Variants in KREMEN1 observed in about 807,000 individuals in gnomAD.
The protein encoded by KREMEN1 is kringle containing transmembrane protein 1.
A neutral mutation model predicts 46.5 loss-of-function variants in KREMEN1; 30 were observed. That is an observed-to-expected ratio of 0.65 (90% CI 0.48 to 0.88). The LOEUF (loss-of-function observed/expected upper bound fraction) is 0.88. KREMEN1 is among the 40% of genes least tolerant of loss of function. The pLI is 0.00. For synonymous variants in KREMEN1, 214 were observed against 230.6 expected, an observed-to-expected ratio of 0.93 and a Z score of 0.65; for missense variants, 533 against 596.9, an observed-to-expected ratio of 0.89 and a Z score of 1.11.
chr22:29,139,896 T>G (rs1414148246), intron 7 of KREMEN1, among the ~76,000 whole-genome samples: 1 of 152,158 alleles, frequency 6.6e-6, no homozygotes, highest in African/African-American at 2.4e-5. Flanking sequence ...ATAGGTAGCA[T>G]CTCATAGGTC....
At chr22:29,080,103 G>A (rs556484250) in intron 1 of KREMEN1, among the ~76,000 whole-genome samples, 1 of 152,312 alleles carries the variant, frequency 6.6e-6, no homozygotes, top group South Asian at 2.1e-4. Context: ...GAAATAAACA[G>A]GATGGGGACT....
chr22:29,159,133 T>G (rs565531434), intron 9 of KREMEN1, among the ~76,000 whole-genome samples: 7,774 of 149,440 alleles, frequency 0.052, 289 homozygotes, highest in Non-Finnish European at 0.08. Flanking sequence ...TGTTTTTTTT[T>G]TTTTTTTTTT....
chr22:29,089,318 AG>A (rs986921586), intron 1 of KREMEN1, among the ~76,000 whole-genome samples: 2 of 40,740 alleles, frequency 4.9e-5, no homozygotes, highest in African/African-American at 1.0e-4. Context: ...ATCACTACTC[AG>A]CTGGTTGCTC....
At chr22:29,166,751 C>A (rs181878652) in intron 9 of KREMEN1, among the ~76,000 whole-genome samples, 15 of 152,040 alleles carry the variant, frequency 9.9e-5, no homozygotes, top group African/African-American at 3.6e-4. Flanking sequence ...CCAGCCTGGG[C>A]AATATAGTGA....
In KREMEN1 at chr22:29,146,643, T is replaced by C; in HGVS notation, c.*4531T>C. ...TTAATATGCAACTTTGAGAATAAAA[T>C]AGAAACATCATGTATTTTAAAATAT... is the stretch of plus-strand genomic sequence containing the variant. On this transcript the variant is annotated 3_prime_UTR_variant, in exon 9 of 9. Transcript: ENST00000400335. 1.0e-6 allele frequency: 1 copy of C among 966,544 alleles called. No homozygotes were observed. The highest frequency in any genetic ancestry group is 4.8e-5 in the South Asian group (1 of 20,864). The allele number at this position is 966,544 out of a possible 1,614,324, so 59.9% of individuals were successfully genotyped here. A position where few individuals can be genotyped will look rare whatever the true frequency, so the allele number is the denominator to read the frequency against.
downstream of KREMEN1, among the ~76,000 whole-genome samples, chr22:29,148,787 A>G (rs2038893017): frequency 6.6e-6 from 1 of 152,128 alleles, no homozygotes; most frequent in African/African-American, 2.4e-5. Context: ...GCACACACAG[A>G]CTGCTCGTGC....
Position 29,138,482 on chromosome 22 carries a change from C to T in KREMEN1, c.965-142C>T, listed in dbSNP as rs190754737. The stretch of plus-strand genomic sequence containing the variant: ...CAGCCTGACAGGTTCTGTTTTGGGG[C>T]TGGTGGGACCCACCTATGGAAGGAA... On this transcript the variant is annotated intron_variant, in intron 6 of 8. Coordinates refer to ENST00000400335, the MANE Select transcript of KREMEN1 (RefSeq NM_001039570.3). The T allele has an allele frequency of 7.8e-4, 609 of 777,330 alleles. 6 individuals carry two copies. The East Asian group carries it at 0.012, about 15-fold the overall frequency. The allele number at this position is 777,330 out of a possible 1,614,324, so 48.2% of individuals were successfully genotyped here.
chr22:29,149,964 C>G (rs746223524), downstream of KREMEN1, among the ~76,000 whole-genome samples: 169 of 152,340 alleles, frequency 1.1e-3, no homozygotes, highest in Non-Finnish European at 2.2e-3. Flanking sequence ...CTTCTTTCCC[C>G]TCTGGGCCAT....
chr22:29,081,141 C>A (rs1011450913), intron 1 of KREMEN1, among the ~76,000 whole-genome samples: 2 of 151,930 alleles, frequency 1.3e-5, no homozygotes, highest in African/African-American at 2.4e-5. Flanking sequence ...CCTCCCCACT[C>A]CCCCCGTCCT....
intron 3 of KREMEN1, among the ~76,000 whole-genome samples, chr22:29,105,463 GCACACACACACACATACACA>G (rs1240150412): frequency 2.7e-5 from 3 of 112,944 alleles, no homozygotes; most frequent in African/African-American, 9.4e-5. Context: ...GTGCGTGTGC[GCACACACACACACATACACA>G]CACACACACA....
Position 29,121,356 on chromosome 22 carries a change from G to T in KREMEN1, c.353-1G>T, listed in dbSNP as rs2038353783. ...TTCTTTTGTTTTTCTTTTTTCTTTA[G>T]TGCCTGGAAACCTTGGCTGCTACAA... On this transcript the variant is annotated splice_acceptor_variant, in intron 3 of 8. Coordinates refer to ENST00000400335, the MANE Select transcript of KREMEN1 (RefSeq NM_001039570.3). LOFTEE classifies it high-confidence loss of function. 1.9e-6 allele frequency: 3 copies of T among 1,612,330 alleles called. No homozygotes were observed. Among genetic ancestry groups the T allele is most frequent in the Admixed American group, 1.7e-5 (1 of 59,656 alleles).
rs134595 is a variant in KREMEN1 at position 29,073,532 on chromosome 22, G to GC, written c.97+311dup. On this transcript the variant is annotated intron_variant, in intron 1 of 8. Coordinates refer to ENST00000400335, the MANE Select transcript of KREMEN1 (RefSeq NM_001039570.3). This position sits in a 1 kb window ranked among gnomAD's most constrained non-coding sequence, Gnocchi z 4.4. ...TGAGTCTTCCAAGACCCTCTGCGAC[G>GC]CCCCCCGGGCTGGGACATCTTCTCT... Among the ~76,000 whole-genome samples the GC allele has an allele frequency of 6.6e-6, 1 of 151,900 alleles. No individual in the cohort carries two copies. Among genetic ancestry groups the GC allele is most frequent in the South Asian group, 2.1e-4 (1 of 4,810 alleles).
chr22:29,111,809 A>G (rs1458154247), intron 3 of KREMEN1: 1 of 152,214 alleles, frequency 6.6e-6, no homozygotes, highest in Non-Finnish European at 1.5e-5. Context: ...GCAGTGGAAT[A>G]GAAAACATAA....
intron 8 of KREMEN1, 58 bp from the exon 9 acceptor site, chr22:29,141,886 A>G: frequency 5.9e-6 from 8 of 1,358,474 alleles, no homozygotes; most frequent in Non-Finnish European, 8.1e-6. Flanking sequence ...ATCTCGTGAG[A>G]TGGTAGGTTG....
At chr22:29,088,297 ACGCG>A (rs1421424799) in intron 1 of KREMEN1, among the ~76,000 whole-genome samples, 1 of 123,662 alleles carries the variant, frequency 8.1e-6, no homozygotes, top group East Asian at 2.4e-4. Flanking sequence ...GCACGCGTGC[ACGCG>A]TGCATACACA....
intron 9 of KREMEN1, among the ~76,000 whole-genome samples, chr22:29,155,974 AT>A (rs1378541497): frequency 1.5e-5 from 2 of 135,410 alleles, no homozygotes; most frequent in African/African-American, 5.3e-5. Flanking sequence ...AAAAAAAAAA[AT>A]TTGGAAAGCA....
intron 2 of KREMEN1, among the ~76,000 whole-genome samples, chr22:29,096,208 T>C (rs373574818): frequency 3.9e-5 from 6 of 152,330 alleles, no homozygotes; most frequent in African/African-American, 1.4e-4. Flanking sequence ...GAAGAGTGTT[T>C]AGGAAGAGAG....
downstream of KREMEN1, among the ~76,000 whole-genome samples, chr22:29,150,914 C>T (rs749702848): frequency 1.3e-5 from 2 of 152,154 alleles, no homozygotes; most frequent in Admixed American, 6.5e-5. Flanking sequence ...CGCCAAGGTT[C>T]GGACTCAGCC....
In KREMEN1 at chr22:29,125,384, G is replaced by C; in HGVS notation, c.599G>C (p.Cys200Ser). The change falls in exon 5 of 9, where the codon TGT becomes TCT. Residue 200 changes from cysteine to serine, a missense_variant. Transcript: ENST00000400335. ...TGCTTCGGGGATCACACCCAACCCT[G>C]TGGTGGCGATGGCAGGATCATCCTC... ...SVCFGDHTQP[C>S]GGDGRIILFD... 6.2e-7 allele frequency: 1 copy of C among 1,614,202 alleles called. No homozygotes were observed. Among genetic ancestry groups the C allele is most frequent in the Non-Finnish European group, 8.5e-7 (1 of 1,180,026 alleles).
Sources: gnomAD v4.1 joint callset for allele counts (sites outside exome capture counted in the v4.1 genomes callset) on GRCh38, gnomAD v4.1.1 for gene constraint, Gnocchi (gnomAD v3.1) non-coding constraint, MANE v1.5 for transcripts, NCBI Gene and HGNC (gene_info 2026-07-23, HGNC 2026-07-21) for gene names.